The following VTCN1 variants were observed in gnomAD, a reference collection of about 807,000 sequenced individuals.
VTCN1 encodes V-set domain-containing T-cell activation inhibitor 1.
Under a neutral mutation model 26.5 loss-of-function variants are expected in VTCN1, and 26 were observed. The ratio of observed to expected loss-of-function variants is 0.98; its 90% confidence interval spans 0.72 to 1.36. The LOEUF (loss-of-function observed/expected upper bound fraction) is 1.36, where lower values mean the gene tolerates loss of function less well. VTCN1 is among the 40% of genes most tolerant of loss of function. VTCN1 has a pLI of 0.00. For missense variants in VTCN1, 298 were observed against 337.7 expected (o/e 0.88, Z 0.92); for synonymous variants, 116 against 130.7 (o/e 0.89, Z 0.77).
chr1:117,193,865 A>G (rs1260707227), intron 1 of VTCN1, among the ~76,000 whole-genome samples: 2 of 152,182 alleles, frequency 1.3e-5, no homozygotes, highest in African/African-American at 4.8e-5. Flanking sequence ...ACACACAAAC[A>G]TTAACTCAAA....
intron 1 of VTCN1, among the ~76,000 whole-genome samples, chr1:117,190,744 C>T (rs993041387): frequency 9.9e-5 from 15 of 152,168 alleles, no homozygotes; most frequent in African/African-American, 7.2e-5. Flanking sequence ...GAGGCAATAC[C>T]ATCACTCCAG....
intron 1 of VTCN1, among the ~76,000 whole-genome samples, chr1:117,202,371 G>A (rs951343173): frequency 6.6e-6 from 1 of 152,174 alleles, no homozygotes; most frequent in Non-Finnish European, 1.5e-5. Context: ...GTGAGGGGGA[G>A]AGCAGCAAAT....
intron 1 of VTCN1, among the ~76,000 whole-genome samples, chr1:117,178,113 A>T (rs115885556): frequency 0.014 from 2,168 of 151,832 alleles, 51 homozygotes; most frequent in African/African-American, 0.048. Context: ...TAAAAAACAA[A>T]AAATTTGTAG....
chr1:117,201,106 G>A (rs1648765134), intron 1 of VTCN1, among the ~76,000 whole-genome samples: 1 of 152,086 alleles, frequency 6.6e-6, no homozygotes, highest in African/African-American at 2.4e-5. Flanking sequence ...TAATGGGAAA[G>A]GAAAATAGTA....
At chr1:117,151,281 T>C (rs6703906) in intron 4 of VTCN1, among the ~76,000 whole-genome samples, 34,324 of 151,280 alleles carry the variant, frequency 0.23, 8,086 homozygotes, top group African/African-American at 0.61. Flanking sequence ...TCAGATATGG[T>C]GCATCTGGAG....
At position 117,145,162 on chromosome 1, in the gene VTCN1, AT is replaced by A. The variant is rs1392603245; in HGVS notation, c.*108del. On this transcript the variant is annotated 3_prime_UTR_variant, in exon 6 of 6. Coordinates refer to ENST00000369458, the MANE Select transcript of VTCN1 (RefSeq NM_024626.4). The surrounding 1 kb of genome is among the most constrained non-coding windows in gnomAD (Gnocchi z 4.6). Reference sequence around the variant, plus strand: ...GCTCACTCCAGACTTCTAGATATGAATTCATTTCCTCCCAGAAATATAAAAC... The same window carrying A: ...GCTCACTCCAGACTTCTAGATATGAATCATTTCCTCCCAGAAATATAAAAC... 2 of 152,308 alleles carry A rather than the reference AT, an allele frequency of 1.3e-5. No individual in the cohort carries two copies. The highest frequency in any genetic ancestry group is 4.8e-5 in the African/African-American group (2 of 41,446). The allele number at this position is 152,308 out of a possible 1,614,324, so 9.4% of individuals were successfully genotyped here.
At position 117,172,526 on chromosome 1, in the gene VTCN1, G is replaced by A. The variant is rs1458719362; in HGVS notation, c.33-2355C>T. The A allele has an allele frequency of 1.4e-5, 7 of 509,402 alleles. No individual in the cohort carries two copies. The East Asian group carries it at 3.8e-4, about 28-fold the overall frequency. 31.6% of individuals were successfully genotyped at this position (509,402 alleles called of 1,614,324 possible). A position where few individuals can be genotyped will look rare whatever the true frequency, so the allele number is the denominator to read the frequency against. On this transcript the variant is annotated intron_variant, in intron 1 of 5. Coordinates refer to ENST00000369458, the MANE Select transcript of VTCN1 (RefSeq NM_024626.4). ...TGACACAGGCAGCCGACTTGTGTGTGGCCTAGGGTTTTCATTTACTTTGGA... is the reference window on the plus strand; with the variant it reads ...TGACACAGGCAGCCGACTTGTGTGTAGCCTAGGGTTTTCATTTACTTTGGA...
intron 1 of VTCN1, among the ~76,000 whole-genome samples, chr1:117,207,911 C>T (rs1341777901): frequency 6.6e-6 from 1 of 152,198 alleles, no homozygotes; most frequent in Non-Finnish European, 1.5e-5. Flanking sequence ...TATGCCAGGT[C>T]CCTGTCATCC....
At chr1:117,205,528 C>T (rs969226906) in intron 1 of VTCN1, among the ~76,000 whole-genome samples, 6 of 152,098 alleles carry the variant, frequency 3.9e-5, no homozygotes, top group African/African-American at 1.2e-4. Flanking sequence ...AGAGCAGCTG[C>T]CTGAAGCAAC....
chr1:117,195,766 C>A (rs1648476797), intron 1 of VTCN1, among the ~76,000 whole-genome samples: 1 of 152,078 alleles, frequency 6.6e-6, no homozygotes, highest in Non-Finnish European at 1.5e-5. Flanking sequence ...ATATGCACAG[C>A]CAACTTTGAT....
At chr1:117,193,342 T>C (rs948767665) in intron 1 of VTCN1, among the ~76,000 whole-genome samples, 1 of 152,148 alleles carries the variant, frequency 6.6e-6, no homozygotes, top group Non-Finnish European at 1.5e-5. Flanking sequence ...GATCCTACAA[T>C]ATGCTGTCTA....
At position 117,186,284 on chromosome 1, in the gene VTCN1, G is replaced by A. The variant is rs572491857; in HGVS notation, c.33-16113C>T. Among the ~76,000 whole-genome samples the A allele has an allele frequency of 8.3e-4, 127 of 152,286 alleles. 1 individual carries two copies. The highest frequency in any genetic ancestry group is 4.7e-3 in the Admixed American group (72 of 15,284). ...TAATATAGCTGAAATTAGAACAATC[G>A]TATTAAATCTGAGTCATGTAGCTAT... is the stretch of plus-strand genomic sequence containing the variant. On this transcript the variant is annotated intron_variant, in intron 1 of 5. Transcript: ENST00000369458.
intron 3 of VTCN1, among the ~76,000 whole-genome samples, chr1:117,154,855 T>C (rs1258100344): frequency 2.0e-5 from 3 of 151,750 alleles, no homozygotes; most frequent in African/African-American, 7.3e-5. Context: ...GGTATATTAC[T>C]ATCAACTAAA....
At chr1:117,186,613 G>A (rs914397630) in intron 1 of VTCN1, among the ~76,000 whole-genome samples, 2 of 152,220 alleles carry the variant, frequency 1.3e-5, no homozygotes, top group Non-Finnish European at 2.9e-5. Flanking sequence ...GAGATAGAAT[G>A]CAGGGAATGA....
chr1:117,186,428 G>A (rs1647949477), intron 1 of VTCN1, among the ~76,000 whole-genome samples: 2 of 152,186 alleles, frequency 1.3e-5, no homozygotes, highest in Non-Finnish European at 2.9e-5. Context: ...ACCAGGCAAG[G>A]CCCTTAACTG....
rs1651464687 is a variant in VTCN1, at chr1:117,145,591, C to T, written c.*46-366G>A. ...GTGTGTGTGGCCTAAAATGCCATTACCCATTATAATGTGTGTCTCAAATAA... is the reference window on the plus strand; with the variant it reads ...GTGTGTGTGGCCTAAAATGCCATTATCCATTATAATGTGTGTCTCAAATAA... On this transcript the variant is annotated intron_variant, in intron 5 of 5. Transcript: ENST00000369458. This position sits in a 1 kb window ranked among gnomAD's most constrained non-coding sequence, Gnocchi z 4.6. Among the ~76,000 whole-genome samples the T allele has an allele frequency of 6.6e-6, 1 of 152,152 alleles. No individual in the cohort carries two copies. The highest frequency in any genetic ancestry group is 1.5e-5 in the Non-Finnish European group (1 of 68,018).
intron 1 of VTCN1, among the ~76,000 whole-genome samples, chr1:117,184,631 T>C (rs907478840): frequency 6.6e-6 from 1 of 152,150 alleles, no homozygotes; most frequent in Admixed American, 6.5e-5. Flanking sequence ...GGGAAGAATA[T>C]TTAAAGTCCA....
intron 1 of VTCN1, among the ~76,000 whole-genome samples, chr1:117,190,872 G>A (rs1648211193): frequency 6.6e-6 from 1 of 152,212 alleles, no homozygotes; most frequent in Admixed American, 6.5e-5. Context: ...AGAAGGATCA[G>A]GCAAACGTGA....
rs114732239 is a variant in VTCN1, at chr1:117,183,067, G to T, written c.33-12896C>A. Among the ~76,000 whole-genome samples, 5,609 of 152,204 alleles carry T rather than the reference G, an allele frequency of 0.037. 278 individuals carry two copies. The highest frequency in any genetic ancestry group is 0.15 in the Admixed American group (2,279 of 15,294). On this transcript the variant is annotated intron_variant, in intron 1 of 5. Transcript: ENST00000369458. This position sits in a 1 kb window ranked among gnomAD's most constrained non-coding sequence, Gnocchi z 4.1. ...AAGTATTGATTTAAGCATAGAAAGC[G>T]AAGAAAGCATACTAAACCTGAAAGT...
Sources: gnomAD v4.1 joint callset for allele counts (sites outside exome capture counted in the v4.1 genomes callset) on GRCh38, gnomAD v4.1.1 for gene constraint, Gnocchi (gnomAD v3.1) non-coding constraint, MANE v1.5 for transcripts, NCBI Gene and HGNC (gene_info 2026-07-23, HGNC 2026-07-21) for gene names.